OPCML: variants seen among roughly 807,000 people sequenced by gnomAD.
The protein encoded by OPCML is opioid-binding protein/cell adhesion molecule.
A neutral mutation model predicts 37.8 loss-of-function variants in OPCML; 13 were observed. The observed-to-expected ratio is 0.34, with a 90% CI of 0.22 to 0.55. The LOEUF is 0.55. Among genes scored for constraint, OPCML ranks in the 20% least tolerant of loss-of-function variants. The pLI is 0.91. For synonymous variants in OPCML, 176 were observed against 168.8 expected, an observed-to-expected ratio of 1.04 and a Z score of -0.33; for missense variants, 341 against 435.6, an observed-to-expected ratio of 0.78 and a Z score of 1.93.
At chr11:133,129,454 A>G (rs758198167) in intron 1 of OPCML, among the ~76,000 whole-genome samples, 1 of 152,222 alleles carries the variant, frequency 6.6e-6, no homozygotes, top group Non-Finnish European at 1.5e-5. Flanking sequence ...AACACATTTC[A>G]GAGGCAAAAC....
chr11:132,660,922 G>A (rs61906420), intron 2 of OPCML, among the ~76,000 whole-genome samples: 1,781 of 152,302 alleles, frequency 0.012, 24 homozygotes, highest in South Asian at 0.041. Flanking sequence ...TACTCAAGCA[G>A]ATCAACTTTA....
At chr11:132,709,263 A>T (rs1472998106) in intron 2 of OPCML, among the ~76,000 whole-genome samples, 3 of 152,234 alleles carry the variant, frequency 2.0e-5, no homozygotes, top group African/African-American at 7.2e-5. Context: ...TGTTCTTAAA[A>T]AAATGCCCAA....
intron 2 of OPCML, among the ~76,000 whole-genome samples, chr11:132,802,955 G>A (rs530762061): frequency 6.2e-4 from 94 of 152,244 alleles, no homozygotes; most frequent in Admixed American, 1.8e-3. Context: ...ATTAAAGGTA[G>A]AAAAATAAGA....
intron 1 of OPCML, among the ~76,000 whole-genome samples, chr11:133,027,593 TG>T (rs2136916005): frequency 6.8e-6 from 1 of 147,872 alleles, no homozygotes; most frequent in South Asian, 2.2e-4. Context: ...GTGTGGTGTA[TG>T]TGTGGTGTGC....
At position 132,601,023 on chromosome 11, in the gene OPCML, G is replaced by A. The variant is rs1000465306; in HGVS notation, c.379+56064C>T. 3.3e-5 allele frequency among the ~76,000 whole-genome samples: 5 copies of A among 151,720 alleles called. No individual in the cohort carries two copies. In the East Asian group the frequency reaches 5.8e-4, roughly 18 times the overall value. ...TTAACATTAATCAAATTTGTTTTTC[G>A]ATTGCCAATGTATAATGTATATACA... is the stretch of plus-strand genomic sequence containing the variant. On this transcript the variant is annotated intron_variant, in intron 3 of 7. Transcript: ENST00000524381.
intron 1 of OPCML, among the ~76,000 whole-genome samples, chr11:133,440,399 CAA>C (rs574269636): frequency 1.9e-4 from 19 of 100,140 alleles, no homozygotes; most frequent in Non-Finnish European, 2.4e-4. Flanking sequence ...AACTCCATCT[CAA>C]AAAAAAAAAA....
At chr11:132,485,828 G>T (rs1216933302) in intron 4 of OPCML, among the ~76,000 whole-genome samples, 1 of 152,144 alleles carries the variant, frequency 6.6e-6, no homozygotes, top group East Asian at 1.9e-4. Flanking sequence ...CTGTTTCCCT[G>T]TATAACTATT....
At chr11:132,691,162 G>T (rs532107036) in intron 2 of OPCML, among the ~76,000 whole-genome samples, 2 of 152,266 alleles carry the variant, frequency 1.3e-5, no homozygotes, top group South Asian at 4.1e-4. Context: ...TTTCTCCTTT[G>T]TTCTTAAGAT....
chr11:132,966,082 T>C (rs1158102183), intron 1 of OPCML, among the ~76,000 whole-genome samples: 5 of 152,022 alleles, frequency 3.3e-5, no homozygotes, highest in Non-Finnish European at 5.9e-5. Context: ...CCTTTAGCTT[T>C]AGTTTTCTAT....
rs1591609818 is a variant in OPCML at position 132,787,527 on chromosome 11, A to G, written c.147-130208T>C. ...ATAATAGCCTGGAGTGGCTTATTCA[A>G]TAGGATTATTGTGAGGATCAGGTCT... On this transcript the variant is annotated intron_variant, in intron 2 of 7. Coordinates refer to ENST00000524381, the MANE Select transcript of OPCML (RefSeq NM_001012393.5). Among the ~76,000 whole-genome samples the G allele has an allele frequency of 2.0e-5, 3 of 152,260 alleles. No homozygotes were observed. In the South Asian group the frequency reaches 6.2e-4, roughly 32 times the overall value.
chr11:132,913,309 A>G (rs2136548895), intron 2 of OPCML, among the ~76,000 whole-genome samples: 1 of 152,312 alleles, frequency 6.6e-6, no homozygotes, highest in African/African-American at 2.4e-5. Context: ...CCATTAATGG[A>G]GGACTATTAC....
chr11:133,234,716 AG>A (rs1319165575), intron 1 of OPCML, among the ~76,000 whole-genome samples: 15 of 152,246 alleles, frequency 9.9e-5, no homozygotes, highest in African/African-American at 3.6e-4. Context: ...AAACCATGCT[AG>A]TTCTCTAGCC....
intron 1 of OPCML, among the ~76,000 whole-genome samples, chr11:133,039,160 A>G (rs2136940926): frequency 6.6e-6 from 1 of 152,242 alleles, no homozygotes; most frequent in South Asian, 2.1e-4. Flanking sequence ...GGGGAGTGCC[A>G]GGGAGAGGGA....
At chr11:132,934,001 C>T (rs1320373863) in intron 2 of OPCML, among the ~76,000 whole-genome samples, 1 of 152,116 alleles carries the variant, frequency 6.6e-6, no homozygotes, top group African/African-American at 2.4e-5. Flanking sequence ...GACCAGGAGG[C>T]AACAGTGGAT....
rs757045785 is a variant in OPCML at position 132,436,245 on chromosome 11, A to T, written c.765-8T>A. On this transcript the variant is annotated splice_region_variant and splice_polypyrimidine_tract_variant and intron_variant, in intron 6 of 7. Coordinates refer to ENST00000524381, the MANE Select transcript of OPCML (RefSeq NM_001012393.5). ...TCCAGACCAGTGGCTAACCTGCAAG[A>T]GGGAAGACATTGCTATCAATTCATT... 1 of 1,614,168 alleles carries T rather than the reference A, an allele frequency of 6.2e-7. No homozygotes were observed. The highest frequency in any genetic ancestry group is 1.1e-5 in the South Asian group (1 of 91,076).
intron 3 of OPCML, among the ~76,000 whole-genome samples, chr11:132,624,528 A>T (rs1353177400): frequency 6.6e-6 from 1 of 152,022 alleles, no homozygotes; most frequent in East Asian, 1.9e-4. Flanking sequence ...CTTGTCCTCT[A>T]TGTAACCTCA....
intron 1 of OPCML, among the ~76,000 whole-genome samples, chr11:133,220,165 C>T (rs754871892): frequency 6.6e-6 from 1 of 152,094 alleles, no homozygotes; most frequent in Non-Finnish European, 1.5e-5. Context: ...GAGTGTCTTC[C>T]CCTGGATTCT....
At chr11:132,500,685 C>T (rs1030815875) in intron 4 of OPCML, among the ~76,000 whole-genome samples, 2 of 152,082 alleles carry the variant, frequency 1.3e-5, no homozygotes, top group Non-Finnish European at 2.9e-5. Flanking sequence ...GCTATTTGTC[C>T]TAATGCTCTC....
chr11:133,524,047 T>C (rs956931084), intron 1 of OPCML, among the ~76,000 whole-genome samples: 1 of 152,234 alleles, frequency 6.6e-6, no homozygotes, highest in African/African-American at 2.4e-5. Flanking sequence ...GTAAGCTTCA[T>C]GAGAGCAGGA....
Sources: allele counts gnomAD v4.1 joint callset (sites outside exome capture counted in the v4.1 genomes callset), GRCh38; gene constraint gnomAD v4.1.1; transcripts MANE v1.5; gene names NCBI Gene and HGNC (gene_info 2026-07-23, HGNC 2026-07-21).